The following ACSM3 variants were observed in gnomAD, a reference collection of about 807,000 sequenced individuals.
ACSM3 encodes the protein acyl-coenzyme A synthetase ACSM3, mitochondrial.
In ACSM3, 61 loss-of-function variants were observed where a neutral mutation model predicts 74.1. That is an observed-to-expected ratio of 0.82 (90% CI 0.67 to 1.02). The LOEUF (loss-of-function observed/expected upper bound fraction) is 1.02. Ranked by LOEUF, ACSM3 falls within the 50% of genes least tolerant of loss-of-function variation. The probability of loss-of-function intolerance (pLI) is 0.00; values close to 1 mark genes in which losing one functional copy is unlikely to be tolerated. For synonymous variants in ACSM3, 213 were observed against 241.5 expected, an observed-to-expected ratio of 0.88 and a Z score of 1.09; for missense variants, 660 against 697.0, an observed-to-expected ratio of 0.95 and a Z score of 0.60.
At chr16:20,746,738 T>A (rs2152429372) in intron 1 of ACSM3, among the ~76,000 whole-genome samples, 1 of 152,050 alleles carries the variant, frequency 6.6e-6, no homozygotes, top group African/African-American at 2.4e-5. Context: ...CCTAGAGGAG[T>A]CAAATTTGGC....
chr16:20,733,602 T>C (rs2079844300), intron 1 of ACSM3: 1 of 151,968 alleles, frequency 6.6e-6, no homozygotes, highest in South Asian at 2.1e-4. Context: ...ATGATATATA[T>C]ATACTATAAA....
chr16:20,742,513 C>T (rs572389913), intron 1 of ACSM3, among the ~76,000 whole-genome samples: 5 of 152,142 alleles, frequency 3.3e-5, no homozygotes, highest in Non-Finnish European at 7.4e-5. Context: ...CGTGGTGGCG[C>T]GCACCTGTAG....
intron 3 of ACSM3, among the ~76,000 whole-genome samples, chr16:20,756,552 A>T (rs1021596274): frequency 1.3e-5 from 2 of 152,182 alleles, no homozygotes; most frequent in African/African-American, 4.8e-5. Flanking sequence ...TCAGATGAGT[A>T]GGTTGCGAAA....
chr16:20,715,679 G>A (rs942909142), intron 1 of ACSM3, among the ~76,000 whole-genome samples: 4 of 152,126 alleles, frequency 2.6e-5, no homozygotes, highest in Non-Finnish European at 5.9e-5. Flanking sequence ...TCATCATCAA[G>A]ATGAATTAAA....
At chr16:20,779,198 T>C (rs936946997) in intron 4 of ACSM3, among the ~76,000 whole-genome samples, 1 of 151,972 alleles carries the variant, frequency 6.6e-6, no homozygotes, top group Non-Finnish European at 1.5e-5. Flanking sequence ...TGAGGTGGGA[T>C]GATGGTTTGA....
In ACSM3 at chr16:20,758,475, G is replaced by A. The variant is rs533828981; in HGVS notation, c.-52+2859G>A. ...AGTTTGTATTTCTGTGGGATCGGTG[G>A]TGATATCCCCTTTATCATTTTTTAT... On this transcript the variant is annotated intron_variant, in intron 3 of 3. Coordinates refer to the ACSM3 transcript ENST00000561584. Among the ~76,000 whole-genome samples the A allele has an allele frequency of 6.7e-4, 102 of 152,056 alleles. 1 individual carries two copies. The East Asian group carries it at 0.016, about 24-fold the overall frequency.
At chr16:20,692,538 G>C (rs1481829092) in intron 1 of ACSM3, among the ~76,000 whole-genome samples, 4 of 152,148 alleles carry the variant, frequency 2.6e-5, no homozygotes, top group Non-Finnish European at 1.5e-5. Context: ...ACGTCAGAGA[G>C]AGAGCAGGTT....
intron 2 of ACSM3, among the ~76,000 whole-genome samples, chr16:20,774,298 G>A (rs2080228880): frequency 7.1e-6 from 1 of 141,744 alleles, no homozygotes; most frequent in Non-Finnish European, 1.5e-5. Context: ...CTGGAGTGCA[G>A]TGGCACGATC....
Position 20,797,557 on chromosome 16 carries a change from TC to T in ACSM3, c.*586del. The stretch of plus-strand genomic sequence containing the variant: ...TACTATTGTTGCTTATTATATGTAA[TC>T]TAATAAATACTGTTTACAAAAGATT... On this transcript the variant is annotated 3_prime_UTR_variant, in exon 14 of 14. Coordinates refer to ENST00000289416, the MANE Select transcript of ACSM3 (RefSeq NM_005622.4). 2 of 1,246,084 alleles carry T rather than the reference TC, an allele frequency of 1.6e-6. No individual in the cohort carries two copies. Among genetic ancestry groups the T allele is most frequent in the Non-Finnish European group, 2.0e-6 (2 of 994,394 alleles). 77.2% of individuals were successfully genotyped at this position (1,246,084 alleles called of 1,614,324 possible). A position where few individuals can be genotyped will look rare whatever the true frequency, so the allele number is the denominator to read the frequency against.
intron 1 of ACSM3, chr16:20,737,044 T>C (rs1423779988): frequency 6.2e-7 from 1 of 1,614,226 alleles, no homozygotes; most frequent in Non-Finnish European, 8.5e-7. Flanking sequence ...CCTTCTGCTG[T>C]GTTGTTTTGG....
intron 1 of ACSM3, among the ~76,000 whole-genome samples, chr16:20,730,132 G>A (rs1393972318): frequency 6.6e-6 from 1 of 152,138 alleles, no homozygotes; most frequent in African/African-American, 2.4e-5. Context: ...GTCTATCATT[G>A]GAGGTAGGGG....
chr16:20,693,112 G>C (rs1205377777), intron 1 of ACSM3, among the ~76,000 whole-genome samples: 1 of 151,776 alleles, frequency 6.6e-6, no homozygotes, highest in African/African-American at 2.4e-5. Flanking sequence ...GGAGGTTGCA[G>C]TGAGCCGAGA....
intron 8 of ACSM3, among the ~76,000 whole-genome samples, chr16:20,785,482 G>C (rs1358949139): frequency 6.6e-6 from 1 of 152,078 alleles, no homozygotes; most frequent in Non-Finnish European, 1.5e-5. Flanking sequence ...TTAAGAGTTT[G>C]CTGGACAACT....
At chr16:20,781,681 C>A in intron 6 of ACSM3, 27 bp from the exon 7 acceptor site, 6 of 1,559,780 alleles carry the variant, frequency 3.8e-6, no homozygotes, top group Non-Finnish European at 4.4e-6. Context: ...GTAGTAAGAC[C>A]AAGAGTTTGC....
chr16:20,729,413 A>G (rs967480501), intron 1 of ACSM3: 9 of 962,140 alleles, frequency 9.4e-6, no homozygotes, highest in African/African-American at 8.1e-5. Context: ...GAGCTCTCCT[A>G]CTGGAGGATG....
chr16:20,784,780 A>G (rs533330757), intron 7 of ACSM3, among the ~76,000 whole-genome samples: 41 of 152,298 alleles, frequency 2.7e-4, no homozygotes, highest in African/African-American at 9.4e-4. Context: ...AGAATGATTT[A>G]TCTTTTTAAT....
chr16:20,704,855 T>C (rs966348635), intron 1 of ACSM3, among the ~76,000 whole-genome samples: 2 of 152,154 alleles, frequency 1.3e-5, no homozygotes, highest in Non-Finnish European at 2.9e-5. Context: ...TAAAAGAGGA[T>C]GATTTGGGAG....
At chr16:20,791,430 GA>G (rs1364584100) in intron 10 of ACSM3, among the ~76,000 whole-genome samples, 33 of 152,138 alleles carry the variant, frequency 2.2e-4, no homozygotes, top group Non-Finnish European at 3.4e-4. Context: ...TTACTCCTCT[GA>G]GCTACTGCAA....
chr16:20,732,407 T>C (rs369487793), intron 1 of ACSM3, among the ~76,000 whole-genome samples: 2 of 152,202 alleles, frequency 1.3e-5, no homozygotes, highest in South Asian at 4.1e-4. Flanking sequence ...GAAAGGCTAT[T>C]TGAGGACATT....
Sources: allele counts gnomAD v4.1 joint callset (sites outside exome capture counted in the v4.1 genomes callset), GRCh38; gene constraint gnomAD v4.1.1; transcripts MANE v1.5; gene names NCBI Gene and HGNC (gene_info 2026-07-23, HGNC 2026-07-21).